SCLT1: variants seen among roughly 807,000 people sequenced by gnomAD.
SCLT1 encodes the protein sodium channel-associated protein 1.
In SCLT1, 78 loss-of-function variants were observed where a neutral mutation model predicts 112.8. That is an observed-to-expected ratio of 0.69 (90% CI 0.58 to 0.83). SCLT1 has a LOEUF of 0.83. Among genes scored for constraint, SCLT1 ranks in the 40% least tolerant of loss-of-function variants. SCLT1 has a pLI of 0.00. For missense variants in SCLT1, 747 were observed against 770.4 expected, an observed-to-expected ratio of 0.97 and a Z score of 0.36; for synonymous variants, 257 against 254.7, an observed-to-expected ratio of 1.01 and a Z score of -0.09.
intron 18 of SCLT1, among the ~76,000 whole-genome samples, chr4:128,922,973 C>T (rs972566525): frequency 6.6e-6 from 1 of 151,920 alleles, no homozygotes; most frequent in Non-Finnish European, 1.5e-5. Flanking sequence ...TTTAAAATAC[C>T]TTTGATCAGA....
chr4:129,077,847 A>G (rs1250115610), intron 2 of SCLT1, among the ~76,000 whole-genome samples: 1 of 152,236 alleles, frequency 6.6e-6, no homozygotes, highest in Non-Finnish European at 1.5e-5. Flanking sequence ...TATATGAGGT[A>G]AAGAACCCTC....
At position 128,885,856 on chromosome 4, in the gene SCLT1, AT is replaced by A. The variant is rs551618272; in HGVS notation, c.2005-1318del. ...TGATGTGATTACAGTTTAAATTTGT[AT>A]TTGTCTTATAGGTGAGGATGAACAT... is the stretch of plus-strand genomic sequence containing the variant. On this transcript the variant is annotated intron_variant, in intron 20 of 20. Transcript: ENST00000281142. Among the ~76,000 whole-genome samples the A allele has an allele frequency of 9.2e-5, 14 of 152,278 alleles. No individual in the cohort carries two copies. In the South Asian group the frequency reaches 2.7e-3, roughly 29 times the overall value.
At chr4:128,951,342 T>A (rs1579480374) in intron 14 of SCLT1, among the ~76,000 whole-genome samples, 1 of 152,272 alleles carries the variant, frequency 6.6e-6, no homozygotes, top group Non-Finnish European at 1.5e-5. Context: ...AGAATCAACA[T>A]GACTATGAGA....
At chr4:128,987,059 G>C (rs559625004) in intron 9 of SCLT1, among the ~76,000 whole-genome samples, 2 of 152,240 alleles carry the variant, frequency 1.3e-5, no homozygotes, top group East Asian at 3.9e-4. Context: ...GAGGATCTAA[G>C]AGCTGCAGCA....
At chr4:128,921,433 C>T (rs1735874840) in intron 18 of SCLT1, among the ~76,000 whole-genome samples, 1 of 152,166 alleles carries the variant, frequency 6.6e-6, no homozygotes, top group Non-Finnish European at 1.5e-5. Context: ...ACCAAAACAG[C>T]ATGGTACTGG....
In SCLT1 at chr4:129,077,439, C is replaced by A. The variant is rs1751562593; in HGVS notation, c.102+4867G>T. Among the ~76,000 whole-genome samples the A allele has an allele frequency of 2.6e-5, 4 of 152,130 alleles. 1 individual carries two copies. In the South Asian group the frequency reaches 8.3e-4, roughly 31 times the overall value. On this transcript the variant is annotated intron_variant, in intron 2 of 20. Coordinates refer to ENST00000281142, the MANE Select transcript of SCLT1 (RefSeq NM_144643.4). ...AAAAGTAAGAACTACTTGTATTTCC[C>A]AAGCTGACCATGACTTTTCACATCT...
chr4:129,030,262 A>G lies in SCLT1; in HGVS notation c.290+8779T>C, dbSNP rs143664429. Among the ~76,000 whole-genome samples, 10 of 152,292 alleles carry G rather than the reference A, an allele frequency of 6.6e-5. No homozygotes were observed. In the East Asian group the frequency reaches 1.4e-3, roughly 21 times the overall value. Reference sequence around the variant, plus strand: ...GAAATCAAGAAGTTCTTTGAAACCAATGAGAACAAAGACACAATGTACCAT... The same window carrying G: ...GAAATCAAGAAGTTCTTTGAAACCAGTGAGAACAAAGACACAATGTACCAT... On this transcript the variant is annotated intron_variant, in intron 5 of 20. Coordinates refer to ENST00000281142, the MANE Select transcript of SCLT1 (RefSeq NM_144643.4).
chr4:129,012,324 G>C (rs946686296), intron 5 of SCLT1, among the ~76,000 whole-genome samples: 1 of 152,162 alleles, frequency 6.6e-6, no homozygotes, highest in Non-Finnish European at 1.5e-5. Context: ...CAACTTCCAT[G>C]TAATTGTATG....
At chr4:129,046,687 C>CTA (rs1446170227) in intron 2 of SCLT1, among the ~76,000 whole-genome samples, 3 of 151,910 alleles carry the variant, frequency 2.0e-5, no homozygotes, top group Non-Finnish European at 4.4e-5. Flanking sequence ...ATGGGTATAC[C>CTA]TATAGGTAGA....
intron 20 of SCLT1, among the ~76,000 whole-genome samples, chr4:128,886,485 T>TA (rs941948363): frequency 1.3e-5 from 2 of 152,036 alleles, no homozygotes; most frequent in African/African-American, 2.4e-5. Context: ...AGATAAAAAT[T>TA]AAAAAAATAA....
chr4:128,968,703 A>T (rs1344729567), intron 10 of SCLT1, among the ~76,000 whole-genome samples: 1 of 152,142 alleles, frequency 6.6e-6, no homozygotes, highest in Non-Finnish European at 1.5e-5. Flanking sequence ...TTGAGCATTA[A>T]ATTTTTATTT....
chr4:129,090,240 A>G (rs958743334), intron 1 of SCLT1, among the ~76,000 whole-genome samples: 2 of 152,186 alleles, frequency 1.3e-5, no homozygotes, highest in Non-Finnish European at 2.9e-5. Context: ...AACTTACTAT[A>G]AAGCTGCAAT....
Position 129,043,470 on chromosome 4 carries a change from A to AT in SCLT1, c.162-4_162-3insA. 2 of 1,363,316 alleles carry AT rather than the reference A, an allele frequency of 1.5e-6. No individual in the cohort carries two copies. Among genetic ancestry groups the AT allele is most frequent in the East Asian group, 4.6e-5 (2 of 43,206 alleles). The allele number at this position is 1,363,316 out of a possible 1,614,324, so 84.5% of individuals were successfully genotyped here. A position where few individuals can be genotyped will look rare whatever the true frequency, so the allele number is the denominator to read the frequency against. On this transcript the variant is annotated splice_region_variant and splice_polypyrimidine_tract_variant and intron_variant, in intron 3 of 20. Transcript: ENST00000281142. ...CAGTAACAAGAGGAGCTAAAAAGCT[A>AT]AAAAAAGACAATAAAAATATAGCAT... is the stretch of plus-strand genomic sequence containing the variant.
intron 5 of SCLT1, among the ~76,000 whole-genome samples, chr4:129,026,895 A>G (rs1401273845): frequency 2.0e-5 from 3 of 152,218 alleles, no homozygotes; most frequent in East Asian, 3.8e-4. Flanking sequence ...CAGAAATACA[A>G]ACTACCATCA....
intron 8 of SCLT1, among the ~76,000 whole-genome samples, chr4:128,995,639 C>T (rs1480488838): frequency 6.6e-6 from 1 of 152,142 alleles, no homozygotes; most frequent in Non-Finnish European, 1.5e-5. Flanking sequence ...CCAACTCTTT[C>T]CCTCCCCAGG....
chr4:129,031,098 A>G lies in SCLT1; in HGVS notation c.290+7943T>C, dbSNP rs181988307. ...AGCAAACCGAATCCAGCAGCACATC[A>G]AAAAGCTTATCCACCAAGATCAAGT... On this transcript the variant is annotated intron_variant, in intron 5 of 20. Transcript: ENST00000281142. Among the ~76,000 whole-genome samples the G allele has an allele frequency of 5.0e-3, 765 of 152,262 alleles. 6 individuals carry two copies. The highest frequency in any genetic ancestry group is 0.017 in the African/African-American group (719 of 41,548).
chr4:128,898,770 C>CAATTTTGTTATCAAAATTGCTT, intron 18 of SCLT1, among the ~76,000 whole-genome samples: 1 of 152,194 alleles, frequency 6.6e-6, no homozygotes, highest in South Asian at 2.1e-4. Context: ...AATTGATAGA[C>CAATTTTGTTATCAAAATTGCTT]CGCTAGCAAG....
At chr4:128,879,717 C>A (rs1355124799), downstream of SCLT1, among the ~76,000 whole-genome samples, 1 of 152,128 alleles carries the variant, frequency 6.6e-6, no homozygotes, top group African/African-American at 2.4e-5. Flanking sequence ...AAGCATGTTA[C>A]CATAATCCAG....
At chr4:128,996,245 T>C (rs943780481) in intron 8 of SCLT1, among the ~76,000 whole-genome samples, 1 of 152,126 alleles carries the variant, frequency 6.6e-6, no homozygotes, top group Non-Finnish European at 1.5e-5. Context: ...TCTGATTTAT[T>C]GCAAAGGAAA....
Sources: gnomAD v4.1 joint callset for allele counts (sites outside exome capture counted in the v4.1 genomes callset) on GRCh38, gnomAD v4.1.1 for gene constraint, MANE v1.5 for transcripts, NCBI Gene and HGNC (gene_info 2026-07-23, HGNC 2026-07-21) for gene names.